OCA2: variants seen among roughly 807,000 people sequenced by gnomAD.
OCA2 encodes P protein.
Under a neutral mutation model 100.2 loss-of-function variants are expected in OCA2, and 77 were observed. The ratio of observed to expected loss-of-function variants is 0.77; its 90% CI spans 0.64 to 0.93. The LOEUF is 0.93. Among genes scored for constraint, OCA2 ranks in the 40% least tolerant of loss-of-function variants. The pLI is 0.00. For missense variants in OCA2, 1,062 were observed against 1,089.1 expected (o/e 0.98, Z 0.35); for synonymous variants, 432 against 439.2 (o/e 0.98, Z 0.21).
intron 13 of OCA2, among the ~76,000 whole-genome samples, chr15:27,983,885 C>G (rs2041254649): frequency 6.6e-6 from 1 of 151,870 alleles, no homozygotes; most frequent in Non-Finnish European, 1.5e-5. Context: ...CCCACCTCCC[C>G]CTTCCTGGAC....
intron 14 of OCA2, among the ~76,000 whole-genome samples, chr15:27,979,286 A>G (rs2041068649): frequency 6.6e-6 from 1 of 152,216 alleles, no homozygotes; most frequent in African/African-American, 2.4e-5. Flanking sequence ...ATTTTGGCTT[A>G]TGATATTTTT....
chr15:27,966,721 C>A lies in OCA2; in HGVS notation c.1605G>T (p.Lys535Asn). 2 of 1,614,052 alleles carry A rather than the reference C, an allele frequency of 1.2e-6. No homozygotes were observed. The highest frequency in any genetic ancestry group is 1.7e-6 in the Non-Finnish European group (2 of 1,180,028). ...PLLRLLYWNRKLYNKEPSEIV... is the reference protein window; with the variant it reads ...PLLRLLYWNRNLYNKEPSEIV... ...TCTCACTGGGTTCCTTGTTATAAAGCTTTCTGTTCCAGTAAAGGAGTCTGA... is the reference window on the plus strand; with the variant it reads ...TCTCACTGGGTTCCTTGTTATAAAGATTTCTGTTCCAGTAAAGGAGTCTGA... Residue 535 changes from lysine to asparagine, a missense_variant, in exon 15 of 24, where the codon AAG becomes AAT. Physicochemically the swap from Lys to Asn is moderately conservative, Grantham distance 94. Coordinates refer to ENST00000354638, the MANE Select transcript of OCA2 (RefSeq NM_000275.3).
Position 27,971,042 on chromosome 15 carries a change from T to A in OCA2, c.1504-4220A>T, listed in dbSNP as rs985331005. 3.4e-5 allele frequency among the ~76,000 whole-genome samples: 5 copies of A among 146,442 alleles called. No individual in the cohort carries two copies. In the East Asian group the frequency reaches 8.4e-4, roughly 25 times the overall value. On this transcript the variant is annotated intron_variant, in intron 14 of 23. Coordinates refer to ENST00000354638, the MANE Select transcript of OCA2 (RefSeq NM_000275.3). ...GCATGGTGGGAAAACATAATTATAA[T>A]GTCCCAGCAAGCACAGTATGGCAGG...
At chr15:27,898,537 C>T (rs529404979) in intron 19 of OCA2, among the ~76,000 whole-genome samples, 10 of 152,324 alleles carry the variant, frequency 6.6e-5, no homozygotes, top group African/African-American at 1.9e-4. Context: ...TCCCCAGACA[C>T]AAAGAACTGT....
intron 2 of OCA2, among the ~76,000 whole-genome samples, chr15:28,036,242 G>A (rs564784342): frequency 6.6e-6 from 1 of 152,286 alleles, no homozygotes; most frequent in South Asian, 2.1e-4. Flanking sequence ...CAAACACTAT[G>A]TGAGTCCTGG....
At chr15:28,024,192 A>T (rs1376165877) in intron 5 of OCA2, among the ~76,000 whole-genome samples, 1 of 151,752 alleles carries the variant, frequency 6.6e-6, no homozygotes, top group East Asian at 1.9e-4. Flanking sequence ...ATCTGCTAGG[A>T]CCCCTCCAAT....
intron 14 of OCA2, among the ~76,000 whole-genome samples, chr15:27,969,154 G>C (rs965498674): frequency 6.6e-6 from 1 of 151,660 alleles, no homozygotes; most frequent in African/African-American, 2.4e-5. Flanking sequence ...GGTCCCTCTA[G>C]AACATAATAA....
At chr15:28,050,947 C>T (rs904139684) in intron 2 of OCA2, among the ~76,000 whole-genome samples, 1 of 152,150 alleles carries the variant, frequency 6.6e-6, no homozygotes, top group African/African-American at 2.4e-5. Flanking sequence ...CTCTGCCCTG[C>T]ACCCCCTACT....
At chr15:27,722,780 T>TTCTCTCTCTCTCTCTC in the OCA2 span, among the ~76,000 whole-genome samples, 1,019 of 134,280 alleles carry the variant, frequency 7.6e-3, 11 homozygotes, top group East Asian at 0.019. Flanking sequence ...TTTTCTTTCT[T>TTCTCTCTCTCTCTCTC]TCTCTCTCTC....
intron 19 of OCA2, among the ~76,000 whole-genome samples, chr15:27,924,995 A>T (rs932989727): frequency 1.3e-5 from 2 of 152,200 alleles, no homozygotes; most frequent in Admixed American, 1.3e-4. Context: ...CCAGAGAAAA[A>T]GAGACATTTA....
chr15:27,787,690 A>G (rs1566963297), intron 23 of OCA2, among the ~76,000 whole-genome samples: 2 of 151,880 alleles, frequency 1.3e-5, no homozygotes, highest in Admixed American at 6.6e-5. Flanking sequence ...TAAAGAATCA[A>G]TTTGGGTTTC....
At chr15:28,019,786 C>A (rs531758233) in intron 6 of OCA2, among the ~76,000 whole-genome samples, 9 of 152,248 alleles carry the variant, frequency 5.9e-5, no homozygotes, top group Admixed American at 2.0e-4. Flanking sequence ...ACTGCACGCC[C>A]TTTCTCAGGG....
At chr15:28,070,277 TC>T (rs1269809438) in intron 2 of OCA2, among the ~76,000 whole-genome samples, 3 of 140,320 alleles carry the variant, frequency 2.1e-5, no homozygotes, top group African/African-American at 5.8e-5. Context: ...GAGGAGCGTC[TC>T]CGCCCGGCAG....
intron 4 of OCA2, among the ~76,000 whole-genome samples, chr15:28,027,381 T>C (rs1380507307): frequency 1.3e-5 from 2 of 152,214 alleles, no homozygotes; most frequent in African/African-American, 4.8e-5. Context: ...GACAAATGCT[T>C]ACACATTAAT....
the OCA2 span, among the ~76,000 whole-genome samples, chr15:27,724,185 G>T: frequency 6.6e-6 from 1 of 152,174 alleles, no homozygotes; most frequent in African/African-American, 2.4e-5. Flanking sequence ...GCTGTAACAA[G>T]ATACTGCAGA....
At chr15:28,016,024 C>T (rs2042379876) in intron 8 of OCA2, 80 bp downstream of exon 8, 1 of 1,099,736 alleles carries the variant, frequency 9.1e-7, no homozygotes, top group South Asian at 1.2e-5. Context: ...GGGCCGAAAT[C>T]AGTGTCCTAT....
intron 19 of OCA2, among the ~76,000 whole-genome samples, chr15:27,923,311 C>T (rs1246613364): frequency 6.6e-6 from 1 of 152,198 alleles, no homozygotes; most frequent in Admixed American, 6.5e-5. Context: ...GCAATGAACA[C>T]ACATGTGCAT....
At chr15:27,742,520 C>T in the OCA2 span, among the ~76,000 whole-genome samples, 7 of 152,114 alleles carry the variant, frequency 4.6e-5, no homozygotes, top group East Asian at 1.9e-4. Context: ...AGAAGAAGCA[C>T]GATGGCAGAG....
intron 9 of OCA2, among the ~76,000 whole-genome samples, chr15:28,010,640 A>G (rs1162806262): frequency 6.6e-6 from 1 of 152,228 alleles, no homozygotes; most frequent in Non-Finnish European, 1.5e-5. Flanking sequence ...ACTTAGGTAT[A>G]AATTTAAGAA....
Sources: gnomAD v4.1 joint callset for allele counts (sites outside exome capture counted in the v4.1 genomes callset) on GRCh38, gnomAD v4.1.1 for gene constraint, MANE v1.5 for transcripts, NCBI Gene and HGNC (gene_info 2026-07-23, HGNC 2026-07-21) for gene names.